Variants in PPP6R2 observed in about 807,000 individuals in gnomAD.
The protein encoded by PPP6R2 is protein phosphatase 6 regulatory subunit 2.
Under a neutral mutation model 100.2 loss-of-function variants are expected in PPP6R2, and 62 were observed. The observed-to-expected ratio is 0.62, with a 90% CI of 0.50 to 0.76. The LOEUF (loss-of-function observed/expected upper bound fraction) is 0.76. Among genes scored for constraint, PPP6R2 ranks in the 30% least tolerant of loss-of-function variants. The probability of loss-of-function intolerance (pLI) is 0.00; values close to 1 mark genes in which losing one functional copy is unlikely to be tolerated. For synonymous variants in PPP6R2, 525 were observed against 514.7 expected (o/e 1.02, Z -0.27); for missense variants, 1,142 against 1,276.3 (o/e 0.89, Z 1.60).
At chr22:50,371,168 G>T (rs1374344707) in intron 1 of PPP6R2, among the ~76,000 whole-genome samples, 1 of 152,074 alleles carries the variant, frequency 6.6e-6, no homozygotes, top group African/African-American at 2.4e-5. Context: ...TTTCACCTGG[G>T]ACTAGGATAA....
chr22:50,380,562 C>T lies in PPP6R2; in HGVS notation c.-17+8412C>T, dbSNP rs916368475. 9.5e-5 allele frequency among the ~76,000 whole-genome samples: 14 copies of T among 147,482 alleles called. No individual in the cohort carries two copies. In the South Asian group the frequency reaches 2.2e-3, roughly 23 times the overall value. On this transcript the variant is annotated intron_variant, in intron 2 of 23. Transcript: ENST00000612753. ...TTTTAGTAGAGACGGGGTTTCACTACGTTGGCCGGGCTGATCTCGAACTCC... is the reference window on the plus strand; with the variant it reads ...TTTTAGTAGAGACGGGGTTTCACTATGTTGGCCGGGCTGATCTCGAACTCC...
At chr22:50,346,804 C>T (rs1201933862) in intron 1 of PPP6R2, among the ~76,000 whole-genome samples, 1 of 134,592 alleles carries the variant, frequency 7.4e-6, no homozygotes, top group Non-Finnish European at 1.6e-5. Context: ...AGTCCCGCAT[C>T]CCTGTCCCCC....
chr22:50,347,165 C>T (rs2043965025), intron 1 of PPP6R2, among the ~76,000 whole-genome samples: 1 of 151,988 alleles, frequency 6.6e-6, no homozygotes, highest in Admixed American at 6.6e-5. Flanking sequence ...CATCAGTTCT[C>T]CCCTGTTGTC....
intron 2 of PPP6R2, among the ~76,000 whole-genome samples, chr22:50,377,729 C>T (rs2051912843): frequency 6.6e-6 from 1 of 152,156 alleles, no homozygotes; most frequent in South Asian, 2.1e-4. Context: ...CAGATTTAGG[C>T]CAGGCGCGGT....
At chr22:50,338,676 GTGTA>G (rs2042331391), upstream of PPP6R2, among the ~76,000 whole-genome samples, 2 of 144,154 alleles carry the variant, frequency 1.4e-5, no homozygotes, top group Non-Finnish European at 3.0e-5. Flanking sequence ...TGTGGTGTGT[GTGTA>G]GTATGTGGTG....
At chr22:50,382,400 C>T (rs574981603) in intron 2 of PPP6R2, among the ~76,000 whole-genome samples, 2 of 151,624 alleles carry the variant, frequency 1.3e-5, no homozygotes, top group Admixed American at 6.6e-5. Flanking sequence ...AGTTCGAGAC[C>T]AGCCTGACTA....
At chr22:50,415,250 G>T (rs1023400306) in intron 5 of PPP6R2, among the ~76,000 whole-genome samples, 5 of 152,238 alleles carry the variant, frequency 3.3e-5, no homozygotes, top group Non-Finnish European at 7.3e-5. Context: ...GGCCAGCTTT[G>T]TTTGTGGTGA....
Position 50,436,979 on chromosome 22 carries a change from G to A in PPP6R2, c.1603-9G>A. 6.4e-7 allele frequency: 1 copy of A among 1,553,776 alleles called. No individual in the cohort carries two copies. The highest frequency in any genetic ancestry group is 2.4e-5 in the East Asian group (1 of 41,218). ...CTCACACGCCCACCCCATCTGGCCT[G>A]TGTTTTAGGTGAGCACTCACCACCT... On this transcript the variant is annotated splice_polypyrimidine_tract_variant and intron_variant, in intron 14 of 23. Transcript: ENST00000612753.
chr22:50,432,386 G>T lies in PPP6R2; in HGVS notation c.1400+57G>T. 3 of 1,457,126 alleles carry T rather than the reference G, an allele frequency of 2.1e-6. 1 individual carries two copies. The South Asian group carries it at 3.7e-5, about 18-fold the overall frequency. 90.3% of individuals were successfully genotyped at this position (1,457,126 alleles called of 1,614,324 possible). A position where few individuals can be genotyped will look rare whatever the true frequency, so the allele number is the denominator to read the frequency against. ...CCTGGCCAGTCAGGGATGCAGAGAC[G>T]CACCTCACCCAAGCCCTGGTGACGC... On this transcript the variant is annotated intron_variant, in intron 12 of 23. Transcript: ENST00000612753.
rs552860657 is a variant in PPP6R2 at position 50,423,336 on chromosome 22, C to A, written c.973-126C>A. The A allele has an allele frequency of 1.2e-5, 14 of 1,168,778 alleles. No homozygotes were observed. In the East Asian group the frequency reaches 1.5e-4, roughly 12 times the overall value. The allele number at this position is 1,168,778 out of a possible 1,614,324, so 72.4% of individuals were successfully genotyped here. On this transcript the variant is annotated intron_variant, in intron 9 of 23. Coordinates refer to ENST00000612753, the MANE Select transcript of PPP6R2 (RefSeq NM_001242898.2). This position sits in a 1 kb window ranked among gnomAD's most constrained non-coding sequence, Gnocchi z 4.8. ...TGGCAGACGGCCCTCCCTGAGGAACCCCCACCACATACCTCGCTACCCCAG... is the reference window on the plus strand; with the variant it reads ...TGGCAGACGGCCCTCCCTGAGGAACACCCACCACATACCTCGCTACCCCAG...
chr22:50,430,533 ACAGACTGGAAAGAAAGG>A (rs1289217422), intron 10 of PPP6R2, among the ~76,000 whole-genome samples: 7 of 152,242 alleles, frequency 4.6e-5, no homozygotes, highest in Non-Finnish European at 1.0e-4. Flanking sequence ...GCCTTTAAAG[ACAGACTGGAAAGAAAGG>A]CTGCAATTAA....
At chr22:50,404,287 G>C (rs1032939817) in intron 3 of PPP6R2, among the ~76,000 whole-genome samples, 12 of 151,626 alleles carry the variant, frequency 7.9e-5, no homozygotes, top group Admixed American at 1.3e-4. Context: ...TAGAGATGGG[G>C]TTTCACCATG....
intron 4 of PPP6R2, among the ~76,000 whole-genome samples, chr22:50,411,343 C>A (rs1293878326): frequency 6.6e-6 from 1 of 151,306 alleles, no homozygotes; most frequent in African/African-American, 2.4e-5. Flanking sequence ...AATCCCAGCT[C>A]CTTGGTGGGG....
In PPP6R2 at chr22:50,354,868, C is replaced by CTTTTTT. The variant is rs762678639; in HGVS notation, c.-148+11331_-148+11336dup. Among the ~76,000 whole-genome samples, 75 of 126,332 alleles carry CTTTTTT rather than the reference C, an allele frequency of 5.9e-4. 4 individuals carry two copies. Among genetic ancestry groups the CTTTTTT allele is most frequent in the South Asian group, 2.1e-3 (8 of 3,898 alleles). The allele number at this position is 126,332 out of a possible 152,430, so 82.9% of individuals were successfully genotyped here. The stretch of plus-strand genomic sequence containing the variant: ...TAAAAGCTGCTGCACCTGGATCAGC[C>CTTTTTT]TTTTTTTTTTTTTTTTTTGAGACAG... On this transcript the variant is annotated intron_variant, in intron 1 of 23. Coordinates refer to ENST00000612753, the MANE Select transcript of PPP6R2 (RefSeq NM_001242898.2).
At chr22:50,441,085 C>T (rs2065479006) in intron 22 of PPP6R2, 59 bp downstream of exon 22, 2 of 1,385,714 alleles carry the variant, frequency 1.4e-6, no homozygotes. Context: ...CTTCCAGGCT[C>T]TGTCCCCAGG....
At chr22:50,434,375 T>C (rs1368884520) in intron 12 of PPP6R2, among the ~76,000 whole-genome samples, 32 of 56,242 alleles carry the variant, frequency 5.7e-4, no homozygotes, top group African/African-American at 1.3e-3. Flanking sequence ...GGGCCGGGCA[T>C]TTGCCCTGGA....
intron 2 of PPP6R2, among the ~76,000 whole-genome samples, chr22:50,391,300 G>C (rs950046099): frequency 6.6e-6 from 1 of 151,700 alleles, no homozygotes; most frequent in Admixed American, 6.6e-5. Context: ...GGGCATGGTG[G>C]TGCATGCCTG....
At chr22:50,399,360 A>G (rs184830612) in intron 3 of PPP6R2, among the ~76,000 whole-genome samples, 9 of 152,372 alleles carry the variant, frequency 5.9e-5, no homozygotes, top group Admixed American at 3.3e-4. Flanking sequence ...GAAAGCAGCT[A>G]CAGAAAATAG....
intron 3 of PPP6R2, 126 bp downstream of exon 3, chr22:50,394,261 T>C (rs1603089722): frequency 2.1e-6 from 3 of 1,422,350 alleles, no homozygotes; most frequent in Non-Finnish European, 9.5e-7. Flanking sequence ...ATCCACCCCA[T>C]GTGAGAAGTG....
Sources: allele counts gnomAD v4.1 joint callset (sites outside exome capture counted in the v4.1 genomes callset), GRCh38; gene constraint gnomAD v4.1.1; non-coding constraint Gnocchi (gnomAD v3.1); transcripts MANE v1.5; gene names NCBI Gene and HGNC (gene_info 2026-07-23, HGNC 2026-07-21).